R3HDM2: variants seen among roughly 807,000 people sequenced by gnomAD.
R3HDM2 encodes the protein R3H domain-containing protein 2.
In R3HDM2, 38 loss-of-function variants were observed where a neutral mutation model predicts 124.5. The ratio of observed to expected loss-of-function variants is 0.31; its 90% CI spans 0.24 to 0.40. R3HDM2 has a LOEUF of 0.40. R3HDM2 is among the 10% of genes least tolerant of loss of function. The pLI, the probability that R3HDM2 is intolerant of heterozygous loss-of-function variation, is 1.00. For synonymous variants in R3HDM2, 391 were observed against 448.0 expected, an observed-to-expected ratio of 0.87 and a Z score of 1.61; for missense variants, 869 against 1,236.9, an observed-to-expected ratio of 0.70 and a Z score of 4.46.
intron 2 of R3HDM2, 51 bp downstream of exon 2, chr12:57,395,698 A>G: frequency 2.5e-6 from 2 of 794,092 alleles, no homozygotes; most frequent in Non-Finnish European, 3.1e-6. Context: ...ATGTATAACA[A>G]TTTGTTGCCT....
At chr12:57,351,238 G>T (rs183962467) in intron 2 of R3HDM2, among the ~76,000 whole-genome samples, 6 of 152,300 alleles carry the variant, frequency 3.9e-5, no homozygotes, top group African/African-American at 9.6e-5. Context: ...CTGTACTCTA[G>T]CCTAGGCGAC....
rs1249023887 is a variant in R3HDM2 at position 57,414,452 on chromosome 12, T to C, written c.-106+16268A>G. Among the ~76,000 whole-genome samples the C allele has an allele frequency of 2.3e-5, 3 of 130,854 alleles. No homozygotes were observed. The East Asian group carries it at 6.9e-4, about 30-fold the overall frequency. The allele number at this position is 130,854 out of a possible 152,430, so 85.8% of individuals were successfully genotyped here. ...TTGCAGTAAGCTGAGATCACATCAC[T>C]GCACTCCAGCCTGGGCAAAGAGAAA... On this transcript the variant is annotated intron_variant, in intron 1 of 23. Transcript: ENST00000402412.
rs2067471249 is a variant in R3HDM2, at chr12:57,396,178, G to A, written c.-105-360C>T. ...GTCTAGGCCGGGCGCGGTGGCTCAC[G>A]CCTGTAATCCCAGCACTTTGGGTGG... is the stretch of plus-strand genomic sequence containing the variant. On this transcript the variant is annotated intron_variant, in intron 1 of 23. Transcript: ENST00000402412. 3.3e-5 allele frequency among the ~76,000 whole-genome samples: 5 copies of A among 152,236 alleles called. 1 individual carries two copies. The South Asian group carries it at 1.0e-3, about 32-fold the overall frequency.
chr12:57,394,479 G>A (rs1016356957), intron 2 of R3HDM2, among the ~76,000 whole-genome samples: 6 of 152,166 alleles, frequency 3.9e-5, no homozygotes, highest in Admixed American at 6.5e-5. Context: ...GGCCAAGGCA[G>A]GAGAATCACT....
chr12:57,308,739 A>G (rs1050125810), intron 3 of R3HDM2, among the ~76,000 whole-genome samples: 4 of 152,196 alleles, frequency 2.6e-5, no homozygotes, highest in East Asian at 1.9e-4. Flanking sequence ...AGCTTCAAGA[A>G]GTACACAAAA....
At chr12:57,317,190 T>G (rs982197938) in intron 2 of R3HDM2, among the ~76,000 whole-genome samples, 4 of 150,858 alleles carry the variant, frequency 2.7e-5, no homozygotes, top group African/African-American at 7.3e-5. Flanking sequence ...CTTTTTGTGT[T>G]TTTTTTTGTT....
intron 2 of R3HDM2, among the ~76,000 whole-genome samples, chr12:57,377,122 G>A (rs202173998): frequency 3.0e-5 from 4 of 131,754 alleles, no homozygotes; most frequent in Non-Finnish European, 4.6e-5. Flanking sequence ...CTTGGTCTCA[G>A]AAAAAAAAAA....
At chr12:57,393,265 G>C (rs961478024) in intron 2 of R3HDM2, among the ~76,000 whole-genome samples, 1 of 151,940 alleles carries the variant, frequency 6.6e-6, no homozygotes, top group African/African-American at 2.4e-5. Flanking sequence ...CAATATGCCC[G>C]GCTAATTTTG....
intron 2 of R3HDM2, among the ~76,000 whole-genome samples, chr12:57,356,385 AATTAC>A (rs2061296555): frequency 6.6e-6 from 1 of 152,156 alleles, no homozygotes; most frequent in Admixed American, 6.6e-5. Context: ...GTTAATAGAG[AATTAC>A]ATTGGTTGAA....
chr12:57,369,805 T>C (rs1411061022), intron 2 of R3HDM2, among the ~76,000 whole-genome samples: 1 of 152,078 alleles, frequency 6.6e-6, no homozygotes, highest in East Asian at 1.9e-4. Context: ...TTTAAAAATA[T>C]ATATATGAAA....
chr12:57,345,907 C>T (rs1809702512), intron 2 of R3HDM2, among the ~76,000 whole-genome samples: 1 of 152,264 alleles, frequency 6.6e-6, no homozygotes, highest in Non-Finnish European at 1.5e-5. Context: ...CGCCTGTAAT[C>T]CCAGCACTTT....
At chr12:57,325,212 G>A (rs1160484497) in intron 2 of R3HDM2, among the ~76,000 whole-genome samples, 2 of 152,060 alleles carry the variant, frequency 1.3e-5, no homozygotes, top group African/African-American at 4.8e-5. Flanking sequence ...GCACGATCTC[G>A]GCTCACTACA....
intron 1 of R3HDM2, among the ~76,000 whole-genome samples, chr12:57,421,800 C>T (rs2070226663): frequency 6.6e-6 from 1 of 152,074 alleles, no homozygotes; most frequent in Non-Finnish European, 1.5e-5. Flanking sequence ...GACACTACAC[C>T]CAGCCTATCT....
At chr12:57,329,296 T>A (rs2057775858) in intron 2 of R3HDM2, among the ~76,000 whole-genome samples, 1 of 152,198 alleles carries the variant, frequency 6.6e-6, no homozygotes, top group Admixed American at 6.5e-5. Context: ...CTCTACAATG[T>A]AGGAGACAAC....
At chr12:57,345,720 TA>T (rs1375631927) in intron 2 of R3HDM2, among the ~76,000 whole-genome samples, 1 of 152,152 alleles carries the variant, frequency 6.6e-6, no homozygotes, top group African/African-American at 2.4e-5. Flanking sequence ...ATATTTATTT[TA>T]TTTTTTTAGA....
intron 2 of R3HDM2, among the ~76,000 whole-genome samples, chr12:57,345,500 TACACACACACACACACACAC>T (rs55903347): frequency 1.0e-4 from 15 of 147,526 alleles, no homozygotes; most frequent in African/African-American, 1.5e-4. Context: ...ATTTCTTTTA[TACACACACACACACACACAC>T]ACACACACAC....
At chr12:57,372,405 G>A (rs571150434) in intron 2 of R3HDM2, among the ~76,000 whole-genome samples, 1 of 152,314 alleles carries the variant, frequency 6.6e-6, no homozygotes, top group South Asian at 2.1e-4. Context: ...GAAAGCCTTG[G>A]GGCGGGGGTG....
intron 2 of R3HDM2, among the ~76,000 whole-genome samples, chr12:57,363,968 T>C (rs575097303): frequency 6.6e-6 from 1 of 152,280 alleles, no homozygotes; most frequent in East Asian, 1.9e-4. Flanking sequence ...CTCTTCAATT[T>C]TGAAAGGTAT....
chr12:57,332,207 T>C (rs529014014), intron 2 of R3HDM2, among the ~76,000 whole-genome samples: 116 of 151,750 alleles, frequency 7.6e-4, no homozygotes, highest in African/African-American at 2.8e-3. Flanking sequence ...CCTAGGATTT[T>C]GAGACCAGCC....
Sources: allele counts gnomAD v4.1 joint callset (sites outside exome capture counted in the v4.1 genomes callset), GRCh38; gene constraint gnomAD v4.1.1; transcripts MANE v1.5; gene names NCBI Gene and HGNC (gene_info 2026-07-23, HGNC 2026-07-21).